TCF4: variants seen among roughly 807,000 people sequenced by gnomAD.
The protein encoded by TCF4 is transcription factor 4.
TCF4 carries 3 observed loss-of-function variants against 82.1 expected under a neutral mutation model. The ratio of observed to expected loss-of-function variants is 0.04; its 90% CI spans 0.02 to 0.09. The LOEUF is 0.09. Ranked by LOEUF, TCF4 falls within the 10% of genes least tolerant of loss-of-function variation. The pLI is 1.00. For missense variants in TCF4, 518 were observed against 852.7 expected (o/e 0.61, Z 4.89); for synonymous variants, 276 against 309.6 (o/e 0.89, Z 1.14).
chr18:55,502,062 C>T (rs1207316326), intron 3 of TCF4, among the ~76,000 whole-genome samples: 5 of 152,100 alleles, frequency 3.3e-5, no homozygotes, highest in African/African-American at 1.2e-4. Context: ...ATTTGCAATC[C>T]CCTAAGTGAA....
At chr18:55,590,139 A>G (rs2097682153), upstream of TCF4, among the ~76,000 whole-genome samples, 1 of 152,246 alleles carries the variant, frequency 6.6e-6, no homozygotes, top group Admixed American at 6.5e-5. Context: ...AACTCCACAG[A>G]CTTCCGCAGG....
intron 3 of TCF4, among the ~76,000 whole-genome samples, chr18:55,505,803 C>CAA (rs35471663): frequency 1.6e-4 from 13 of 83,040 alleles, no homozygotes; most frequent in Non-Finnish European, 1.9e-4. Flanking sequence ...GACTCCGTCT[C>CAA]AAAAAAAAAA....
chr18:55,266,512 A>C (rs2059212292), intron 11 of TCF4: 1 of 152,148 alleles, frequency 6.6e-6, no homozygotes, highest in Admixed American at 6.6e-5. Flanking sequence ...TGGAGGGCTA[A>C]TTAGATGACC....
chr18:55,413,160 T>G (rs2958161), intron 5 of TCF4, among the ~76,000 whole-genome samples: 3 of 151,992 alleles, frequency 2.0e-5, no homozygotes, highest in African/African-American at 7.3e-5. Flanking sequence ...ATACGGTATA[T>G]AGATATGTAT....
chr18:55,462,402 C>T (rs2095884330), intron 4 of TCF4, among the ~76,000 whole-genome samples: 1 of 152,054 alleles, frequency 6.6e-6, no homozygotes. Context: ...AAGGTAGACA[C>T]TATCCCCATG....
intron 11 of TCF4, chr18:55,269,591 G>A: frequency 1.8e-6 from 1 of 543,588 alleles, no homozygotes; most frequent in South Asian, 2.0e-5. Flanking sequence ...TTGAACCCTT[G>A]TTCAATCTAA....
At chr18:55,564,674 A>T (rs1223350876) in intron 3 of TCF4, among the ~76,000 whole-genome samples, 3 of 152,194 alleles carry the variant, frequency 2.0e-5, no homozygotes, top group Non-Finnish European at 1.5e-5. Context: ...TAACATACAG[A>T]TGGCTCTACA....
At chr18:55,371,212 C>T (rs1410985908) in intron 6 of TCF4, among the ~76,000 whole-genome samples, 2 of 152,178 alleles carry the variant, frequency 1.3e-5, no homozygotes, top group Non-Finnish European at 2.9e-5. Context: ...CCAGTTATAC[C>T]TCTTCATTAG....
At chr18:55,490,903 G>A (rs2096569182) in intron 3 of TCF4, among the ~76,000 whole-genome samples, 1 of 152,184 alleles carries the variant, frequency 6.6e-6, no homozygotes, top group Admixed American at 6.5e-5. Flanking sequence ...ATGCTATTTA[G>A]TTGAGAGAGA....
intron 16 of TCF4, among the ~76,000 whole-genome samples, chr18:55,233,986 C>T (rs2048637702): frequency 6.6e-6 from 1 of 151,950 alleles, no homozygotes; most frequent in African/African-American, 2.4e-5. Context: ...TGTGAAGGGA[C>T]TGAGAAGATG....
intron 1 of TCF4, 44 bp downstream of exon 1, chr18:55,587,994 C>CG: frequency 1.0e-6 from 1 of 976,130 alleles, no homozygotes; most frequent in Non-Finnish European, 1.2e-6. Context: ...CCCGCGCCGC[C>CG]GGGCGCCTCC....
intron 8 of TCF4, among the ~76,000 whole-genome samples, chr18:55,349,587 AAG>A (rs1473520435): frequency 6.6e-5 from 10 of 152,276 alleles, no homozygotes; most frequent in African/African-American, 2.2e-4. Context: ...ACAAAGAAAG[AAG>A]AGAGGAAACT....
chr18:55,389,543 G>A (rs536662791), intron 6 of TCF4, among the ~76,000 whole-genome samples: 6 of 152,296 alleles, frequency 3.9e-5, no homozygotes, highest in Non-Finnish European at 8.8e-5. Flanking sequence ...GCAAGAAGAA[G>A]GGGAGGCAAG....
chr18:55,246,091 T>A (rs1048096736), intron 15 of TCF4, among the ~76,000 whole-genome samples: 1 of 152,354 alleles, frequency 6.6e-6, no homozygotes, highest in South Asian at 2.1e-4. Context: ...TTTAAGATTA[T>A]GTCCCTGTAA....
intron 3 of TCF4, among the ~76,000 whole-genome samples, chr18:55,569,849 T>G (rs1017575105): frequency 6.6e-6 from 1 of 152,160 alleles, no homozygotes; most frequent in Non-Finnish European, 1.5e-5. Flanking sequence ...TTAGTTTCCA[T>G]GCAACTTCAA....
intron 3 of TCF4, among the ~76,000 whole-genome samples, chr18:55,544,233 C>G (rs2097186988): frequency 6.6e-6 from 1 of 152,134 alleles, no homozygotes; most frequent in South Asian, 2.1e-4. Flanking sequence ...TCAATTTCCT[C>G]AATTGTAAAA....
At chr18:55,504,662 A>G (rs2096734533) in intron 3 of TCF4, among the ~76,000 whole-genome samples, 1 of 152,212 alleles carries the variant, frequency 6.6e-6, no homozygotes, top group African/African-American at 2.4e-5. Context: ...ACACATACAA[A>G]AACTGACAGA....
At chr18:55,418,066 T>C (rs1164811615) in intron 5 of TCF4, among the ~76,000 whole-genome samples, 1 of 151,100 alleles carries the variant, frequency 6.6e-6, no homozygotes, top group Non-Finnish European at 1.5e-5. Context: ...TAGTAATAGG[T>C]AGATTCTAAA....
At position 55,390,952 on chromosome 18, in the gene TCF4, G is replaced by A. The variant is rs148877328; in HGVS notation, c.369+12502C>T. On this transcript the variant is annotated intron_variant, in intron 6 of 19. Transcript: ENST00000354452. ...CAAAAAAGACTCAAGCGAGTCTTAC[G>A]TGGTCGCTAGTTGGGAGTAGCATTC... Among the ~76,000 whole-genome samples the A allele has an allele frequency of 1.1e-4, 17 of 152,314 alleles. No homozygotes were observed. The East Asian group carries it at 1.2e-3, about 10-fold the overall frequency.
Sources: allele counts gnomAD v4.1 joint callset (sites outside exome capture counted in the v4.1 genomes callset), GRCh38; gene constraint gnomAD v4.1.1; transcripts MANE v1.5; gene names NCBI Gene and HGNC (gene_info 2026-07-23, HGNC 2026-07-21).